PKD2L2: variants seen among roughly 807,000 people sequenced by gnomAD.
PKD2L2 encodes polycystin 2 like 2, transient receptor potential cation channel, also known as polycystin-2-like protein 2.
PKD2L2 carries 67 observed loss-of-function variants against 83.9 expected under a neutral mutation model. The observed-to-expected ratio is 0.80, with a 90% CI of 0.66 to 0.98. The LOEUF (loss-of-function observed/expected upper bound fraction) is 0.98, where lower values mean the gene tolerates loss of function less well. PKD2L2 is among the 50% of genes least tolerant of loss of function. The probability of loss-of-function intolerance (pLI) is 0.00; values close to 1 mark genes in which losing one functional copy is unlikely to be tolerated. For synonymous variants in PKD2L2, 223 were observed against 237.8 expected, an observed-to-expected ratio of 0.94 and a Z score of 0.57; for missense variants, 632 against 717.2, an observed-to-expected ratio of 0.88 and a Z score of 1.36.
chr5:137,891,649 T>A (rs1172585932), intron 2 of PKD2L2, among the ~76,000 whole-genome samples: 4 of 152,268 alleles, frequency 2.6e-5, no homozygotes, highest in African/African-American at 9.6e-5. Flanking sequence ...ACACTTTTTT[T>A]AATATAATAC....
chr5:137,937,687 G>A lies in PKD2L2; in HGVS notation c.*17+1260G>A, dbSNP rs1760577047. On this transcript the variant is annotated intron_variant, in intron 14 of 14. Coordinates refer to ENST00000508883, the MANE Select transcript of PKD2L2 (RefSeq NM_001300921.2). ...CTTCTCTTAAGAGACTGTACATCCA[G>A]TGTTCTTAATAGGATAATTCATTGT... 2.0e-5 allele frequency among the ~76,000 whole-genome samples: 3 copies of A among 152,142 alleles called. No individual in the cohort carries two copies. The South Asian group carries it at 6.2e-4, about 32-fold the overall frequency.
intron 14 of PKD2L2, chr5:137,940,288 A>G: frequency 1.2e-6 from 2 of 1,612,562 alleles, no homozygotes; most frequent in Non-Finnish European, 1.7e-6. Context: ...GCTTGGCTTT[A>G]ATTTTCTTGT....
intron 8 of PKD2L2, among the ~76,000 whole-genome samples, chr5:137,917,617 TTG>T (rs1035804556): frequency 1.3e-5 from 2 of 152,154 alleles, no homozygotes; most frequent in Non-Finnish European, 2.9e-5. Context: ...TTATATTTTT[TTG>T]TTTCTTTTTA....
At chr5:137,932,130 G>A (rs1031211539) in intron 12 of PKD2L2, among the ~76,000 whole-genome samples, 3 of 152,032 alleles carry the variant, frequency 2.0e-5, no homozygotes, top group African/African-American at 4.8e-5. Flanking sequence ...CACTTGAGGC[G>A]GGTGGATCAC....
intron 9 of PKD2L2, among the ~76,000 whole-genome samples, chr5:137,922,255 G>T (rs1758973601): frequency 6.6e-6 from 1 of 152,150 alleles, no homozygotes. Flanking sequence ...CTTTTTGTCA[G>T]GCACGGAAGT....
chr5:137,905,146 C>T (rs1183325980), intron 5 of PKD2L2, among the ~76,000 whole-genome samples: 1 of 152,132 alleles, frequency 6.6e-6, no homozygotes, highest in African/African-American at 2.4e-5. Flanking sequence ...AAGATTAAGT[C>T]CAGATTTCCT....
chr5:137,934,490 A>G (rs1760140422), intron 12 of PKD2L2, among the ~76,000 whole-genome samples: 1 of 152,160 alleles, frequency 6.6e-6, no homozygotes, highest in African/African-American at 2.4e-5. Context: ...ACTAGGATTG[A>G]AAGCCATCCT....
intron 5 of PKD2L2, among the ~76,000 whole-genome samples, chr5:137,900,656 C>T (rs1207092238): frequency 6.6e-6 from 1 of 152,110 alleles, no homozygotes; most frequent in African/African-American, 2.4e-5. Context: ...TGCAAAATAC[C>T]TTTTTATCTC....
chr5:137,892,499 C>A lies in PKD2L2; in HGVS notation c.153C>A (p.Asn51Lys). 1 of 1,563,294 alleles carries A rather than the reference C, an allele frequency of 6.4e-7. No homozygotes were observed. The highest frequency in any genetic ancestry group is 8.7e-7 in the Non-Finnish European group (1 of 1,150,724). Reference sequence around the variant, plus strand: ...CCTTAGTGACTTTTGGGATGGTAAACCCACATATGTATTACTTAAACAAGG... The same window carrying A: ...CCTTAGTGACTTTTGGGATGGTAAAACCACATATGTATTACTTAAACAAGG... The part of the protein sequence containing the change: ...NLCILTFGMV[N>K]PHMYYLNKVM... The change falls in exon 3 of 15, where the codon AAC becomes AAA. Residue 51 changes from asparagine to lysine, a missense_variant. Physicochemically the swap from Asn to Lys is moderately conservative, Grantham distance 94. Transcript: ENST00000508883.
chr5:137,925,425 AT>A (rs1376377926), intron 11 of PKD2L2, among the ~76,000 whole-genome samples: 1 of 152,242 alleles, frequency 6.6e-6, no homozygotes, highest in Non-Finnish European at 1.5e-5. Context: ...ATTCTAGCTA[AT>A]TTAAAATTAA....
chr5:137,902,527 C>T (rs946383060), intron 5 of PKD2L2, among the ~76,000 whole-genome samples: 2 of 152,052 alleles, frequency 1.3e-5, no homozygotes, highest in South Asian at 2.1e-4. Context: ...ATTTTCTCTT[C>T]CCTATGATTT....
chr5:137,942,129 A>C (rs536125869), intron 14 of PKD2L2: 46 of 1,176,624 alleles, frequency 3.9e-5, no homozygotes, highest in Non-Finnish European at 5.3e-5. Flanking sequence ...CTGCAAATTA[A>C]AAGTGGCTGG....
At chr5:137,928,466 T>A (rs894299621) in intron 12 of PKD2L2, among the ~76,000 whole-genome samples, 2 of 152,164 alleles carry the variant, frequency 1.3e-5, no homozygotes, top group Non-Finnish European at 2.9e-5. Flanking sequence ...AGGTTAGCTC[T>A]GTTGCCCAGC....
chr5:137,920,014 G>A (rs974038583), intron 8 of PKD2L2, among the ~76,000 whole-genome samples: 1 of 152,140 alleles, frequency 6.6e-6, no homozygotes, highest in African/African-American at 2.4e-5. Context: ...CCTGGTCAAC[G>A]TGGTGAAATC....
intron 8 of PKD2L2, among the ~76,000 whole-genome samples, chr5:137,917,146 G>A (rs78299720): frequency 0.019 from 2,774 of 146,204 alleles, 33 homozygotes; most frequent in Non-Finnish European, 0.026. Context: ...AGGTCTCTTG[G>A]TATCTGTTCA....
At position 137,906,369 on chromosome 5, in the gene PKD2L2, A is replaced by T; in HGVS notation, c.910A>T (p.Ile304Leu). 1 of 1,611,168 alleles carries T rather than the reference A, an allele frequency of 6.2e-7. No individual in the cohort carries two copies. Among genetic ancestry groups the T allele is most frequent in the Admixed American group, 1.7e-5 (1 of 59,890 alleles). ...FVFTTQEVKK[I>L]KEFKSAYFKS... The stretch of plus-strand genomic sequence containing the variant: ...CTTCACAACACAAGAAGTCAAAAAA[A>T]TAAAAGAATTTAAGTCTGCCTATTT... The change falls in exon 6 of 15, where the codon ATA (isoleucine) becomes TTA (leucine). Residue 304 changes from isoleucine (I) to leucine (L), a missense_variant. By Grantham distance (5) the Ile-to-Leu change is conservative. Around this residue, in one of 3 missense-constraint regions of PKD2L2, gnomAD observed 399 missense variants for 416.9 expected, o/e 0.96. Coordinates refer to ENST00000508883, the MANE Select transcript of PKD2L2 (RefSeq NM_001300921.2).
chr5:137,912,435 CG>C (rs1389100024), intron 8 of PKD2L2, among the ~76,000 whole-genome samples: 1 of 152,090 alleles, frequency 6.6e-6, no homozygotes, highest in Admixed American at 6.5e-5. Context: ...GGCATGATCT[CG>C]GCTCACTGTA....
At chr5:137,919,170 A>G (rs1293361696) in intron 8 of PKD2L2, among the ~76,000 whole-genome samples, 1 of 152,214 alleles carries the variant, frequency 6.6e-6, no homozygotes, top group Non-Finnish European at 1.5e-5. Context: ...ATTTTAATTC[A>G]ATAAGGGAGA....
intron 8 of PKD2L2, among the ~76,000 whole-genome samples, chr5:137,916,513 G>A (rs1156851635): frequency 4.2e-5 from 5 of 119,148 alleles, no homozygotes; most frequent in Non-Finnish European, 4.9e-5. Flanking sequence ...AGAGTATTGC[G>A]CTTTCACTCA....
Sources: allele counts gnomAD v4.1 joint callset (sites outside exome capture counted in the v4.1 genomes callset), GRCh38; gene constraint gnomAD v4.1.1; regional missense constraint gnomAD v4.1.1; transcripts MANE v1.5; gene names NCBI Gene and HGNC (gene_info 2026-07-23, HGNC 2026-07-21).